The following IMPACT variants were observed in gnomAD, a reference collection of about 807,000 sequenced individuals.
The protein encoded by IMPACT is impact RWD domain protein, also known as protein IMPACT.
IMPACT carries 35 observed loss-of-function variants against 47.5 expected under a neutral mutation model. That is an observed-to-expected ratio of 0.74 (90% CI 0.56 to 0.98). The LOEUF (loss-of-function observed/expected upper bound fraction) is 0.98. IMPACT is among the 50% of genes least tolerant of loss of function. The pLI is 0.00. For missense variants in IMPACT, 373 were observed against 394.8 expected, an observed-to-expected ratio of 0.94 and a Z score of 0.47; for synonymous variants, 118 against 125.6, an observed-to-expected ratio of 0.94 and a Z score of 0.40.
chr18:24,440,481 C>T lies in IMPACT; in HGVS notation c.368-15C>T, dbSNP rs376787931. The stretch of plus-strand genomic sequence containing the variant: ...TACCTGCGTCATAAAGTAATTGTGT[C>T]TCATATTCACATAGGCCCAGATGTA... On this transcript the variant is annotated splice_polypyrimidine_tract_variant and intron_variant, in intron 5 of 10. Transcript: ENST00000284202. 50 of 1,609,370 alleles carry T rather than the reference C, an allele frequency of 3.1e-5. No individual in the cohort carries two copies. The highest frequency in any genetic ancestry group is 3.9e-5 in the Non-Finnish European group (46 of 1,178,312).
intron 4 of IMPACT, among the ~76,000 whole-genome samples, chr18:24,434,676 T>C (rs1373373122): frequency 6.7e-6 from 1 of 149,482 alleles, no homozygotes; most frequent in Non-Finnish European, 1.5e-5. Context: ...GGCAGGAGAA[T>C]CGCCTGAACC....
At chr18:24,443,723 T>C (rs1443953443) in intron 7 of IMPACT, among the ~76,000 whole-genome samples, 2 of 152,182 alleles carry the variant, frequency 1.3e-5, no homozygotes, top group Non-Finnish European at 2.9e-5. Context: ...TTACTTTCCT[T>C]TGTGCTTCTT....
At chr18:24,441,568 A>G (rs1044750791) in intron 6 of IMPACT, among the ~76,000 whole-genome samples, 1 of 152,206 alleles carries the variant, frequency 6.6e-6, no homozygotes, top group East Asian at 1.9e-4. Flanking sequence ...TCATTTTAAT[A>G]TTTTAAAATT....
At chr18:24,449,060 A>T (rs1408570846) in intron 9 of IMPACT, among the ~76,000 whole-genome samples, 1 of 152,190 alleles carries the variant, frequency 6.6e-6, no homozygotes, top group Non-Finnish European at 1.5e-5. Flanking sequence ...CATTTGACAA[A>T]TGTCAAACTG....
In IMPACT at chr18:24,437,952, T is replaced by G; in HGVS notation, c.282-3T>G. On this transcript the variant is annotated splice_polypyrimidine_tract_variant and splice_region_variant and intron_variant, in intron 4 of 10. Transcript: ENST00000284202. ...TTTTTTTTTTCCCCTGAATTTTGTT[T>G]AGTCAGAATATCGGTGAAAGTATTC... 6.8e-7 allele frequency: 1 copy of G among 1,475,536 alleles called. No individual in the cohort carries two copies. Among genetic ancestry groups the G allele is most frequent in the Non-Finnish European group, 9.3e-7 (1 of 1,076,076 alleles). 91.4% of individuals were successfully genotyped at this position (1,475,536 alleles called of 1,614,324 possible). A position where few individuals can be genotyped will look rare whatever the true frequency, so the allele number is the denominator to read the frequency against.
intron 4 of IMPACT, among the ~76,000 whole-genome samples, 162 bp from the exon 5 acceptor site, chr18:24,437,789 TACTC>T (rs1182226147): frequency 6.6e-6 from 1 of 152,196 alleles, no homozygotes; most frequent in East Asian, 1.9e-4. Context: ...CTGTATTAAC[TACTC>T]AGACACAAAT....
chr18:24,443,815 C>G (rs1265055304), intron 7 of IMPACT, among the ~76,000 whole-genome samples: 1 of 152,188 alleles, frequency 6.6e-6, no homozygotes, highest in Non-Finnish European at 1.5e-5. Flanking sequence ...CTTTGCCTTT[C>G]TCATTCTCCT....
Position 24,430,298 on chromosome 18 carries a change from CTTAA to C in IMPACT, c.219-21_219-18del. 6.6e-7 allele frequency: 1 copy of C among 1,521,524 alleles called. No homozygotes were observed. Among genetic ancestry groups the C allele is most frequent in the East Asian group, 2.3e-5 (1 of 43,604 alleles). 94.3% of individuals were successfully genotyped at this position (1,521,524 alleles called of 1,614,324 possible). ...ATAAACATAATCCTTGAATAATCTT[CTTAA>C]TTGTTTTATTTAATCTTAGTGCTCC... On this transcript the variant is annotated intron_variant, in intron 3 of 10. Coordinates refer to ENST00000284202, the MANE Select transcript of IMPACT (RefSeq NM_018439.4).
intron 6 of IMPACT, among the ~76,000 whole-genome samples, chr18:24,440,857 T>G (rs1909091712): frequency 6.6e-6 from 1 of 152,214 alleles, no homozygotes; most frequent in African/African-American, 2.4e-5. Context: ...GAGTTTTGAT[T>G]TAGTGATGGA....
chr18:24,434,795 A>ATG (rs71994854), intron 4 of IMPACT, among the ~76,000 whole-genome samples: 17 of 67,618 alleles, frequency 2.5e-4, no homozygotes, highest in African/African-American at 7.7e-4. Context: ...ATATATATAT[A>ATG]TGTGTGTGTG....
rs754410211 is a variant in IMPACT at position 24,427,908 on chromosome 18, ATTTC to A, written c.37-6_37-3del. ...ACATTTGTTGACTTTTAAAAAATCA[ATTTC>A]TTTCAGAATGAGGAAATTGAAGCAA... On this transcript the variant is annotated splice_region_variant and splice_polypyrimidine_tract_variant and intron_variant, in intron 1 of 10. Coordinates refer to ENST00000284202, the MANE Select transcript of IMPACT (RefSeq NM_018439.4). 2.1e-4 allele frequency: 336 copies of A among 1,594,542 alleles called. No individual in the cohort carries two copies. Among genetic ancestry groups the A allele is most frequent in the Non-Finnish European group, 2.7e-4 (320 of 1,174,646 alleles).
chr18:24,438,821 G>A (rs958888985), intron 5 of IMPACT, among the ~76,000 whole-genome samples: 2 of 151,972 alleles, frequency 1.3e-5, no homozygotes, highest in African/African-American at 2.4e-5. Flanking sequence ...TTACGGTGGT[G>A]TTCGCCAAAT....
intron 4 of IMPACT, among the ~76,000 whole-genome samples, chr18:24,433,812 AG>A (rs1420257790): frequency 2.0e-5 from 3 of 149,706 alleles, no homozygotes; most frequent in Admixed American, 6.6e-5. Context: ...CTGGGATTAC[AG>A]GTGTGCACCA....
At chr18:24,440,384 T>A (rs1247978271) in intron 5 of IMPACT, 112 bp from the exon 6 acceptor site, 4 of 1,096,332 alleles carry the variant, frequency 3.6e-6, no homozygotes. Context: ...GGCTGAGTGC[T>A]GGTTCCTTTC....
Position 24,445,395 on chromosome 18 carries a change from G to T in IMPACT, c.597G>T (p.Val199=). Residue 199 remains valine (V), a splice_region_variant and synonymous_variant, in exon 8 of 11, where the codon GTG becomes GTT. Coordinates refer to ENST00000284202, the MANE Select transcript of IMPACT (RefSeq NM_018439.4). The part of the protein sequence containing the change: ...HLAPVVCPKQ[V]KMVLSKLYEN... ...TTTATATTATTGCTGTTTTTAAGGT[G>T]AAAATGGTTCTTTCCAAATTGTATG... 6.3e-7 allele frequency: 1 copy of T among 1,579,686 alleles called. No individual in the cohort carries two copies.
chr18:24,434,795 A>ATATATATATATATATG (rs1454429903), intron 4 of IMPACT, among the ~76,000 whole-genome samples: 2 of 67,620 alleles, frequency 3.0e-5, no homozygotes, highest in African/African-American at 1.1e-4. Flanking sequence ...ATATATATAT[A>ATATATATATATATATG]TGTGTGTGTG....
At chr18:24,447,937 G>A (rs1056824462) in intron 8 of IMPACT, among the ~76,000 whole-genome samples, 156 bp from the exon 9 acceptor site, 1 of 152,092 alleles carries the variant, frequency 6.6e-6, no homozygotes, top group Non-Finnish European at 1.5e-5. Flanking sequence ...TAAACCGTCA[G>A]TGAAAATATA....
intron 5 of IMPACT, among the ~76,000 whole-genome samples, chr18:24,438,553 C>A (rs913522769): frequency 9.2e-5 from 14 of 152,056 alleles, no homozygotes; most frequent in African/African-American, 3.4e-4. Context: ...TGTAGAATGC[C>A]CCTCAATTTG....
Position 24,426,684 on chromosome 18 carries a change from T to A in IMPACT, c.-73T>A. 8.8e-7 allele frequency: 1 copy of A among 1,137,288 alleles called. No homozygotes were observed. Among genetic ancestry groups the A allele is most frequent in the Non-Finnish European group, 1.1e-6 (1 of 901,248 alleles). The allele number at this position is 1,137,288 out of a possible 1,614,324, so 70.4% of individuals were successfully genotyped here. On this transcript the variant is annotated 5_prime_UTR_variant, in exon 1 of 11. Coordinates refer to ENST00000284202, the MANE Select transcript of IMPACT (RefSeq NM_018439.4). ...GGCCGCGCCGCAGCCAGCTCTCGGC[T>A]CGCAGCCGCAGCGCCCCGCCCCCGC...
Sources: gnomAD v4.1 joint callset for allele counts (sites outside exome capture counted in the v4.1 genomes callset) on GRCh38, gnomAD v4.1.1 for gene constraint, MANE v1.5 for transcripts, NCBI Gene and HGNC (gene_info 2026-07-23, HGNC 2026-07-21) for gene names.